Variants in SAMD9L observed in about 807,000 individuals in gnomAD.
The protein encoded by SAMD9L is sterile alpha motif domain-containing protein 9-like.
In SAMD9L, 68 loss-of-function variants were observed where a neutral mutation model predicts 90.7. The ratio of observed to expected loss-of-function variants is 0.75; its 90% CI spans 0.62 to 0.92. The LOEUF (loss-of-function observed/expected upper bound fraction) is 0.92. SAMD9L is among the 40% of genes least tolerant of loss of function. The pLI is 0.00. For synonymous variants in SAMD9L, 640 were observed against 630.1 expected (o/e 1.02, Z -0.23); for missense variants, 1,604 against 1,824.3 (o/e 0.88, Z 2.20).
rs925330078 is a variant in SAMD9L, at chr7:93,130,250, C to T, written c.*967G>A. The stretch of plus-strand genomic sequence containing the variant: ...ACTGAAAACTTGAGAACACATATTA[C>T]CATGAGGAAGCCCTCTAATCAGGCA... On this transcript the variant is annotated 3_prime_UTR_variant, in exon 5 of 5. Coordinates refer to ENST00000318238, the MANE Select transcript of SAMD9L (RefSeq NM_152703.5). The T allele has an allele frequency of 6.6e-6, 1 of 152,068 alleles. No homozygotes were observed. Among genetic ancestry groups the T allele is most frequent in the Admixed American group, 6.6e-5 (1 of 15,256 alleles). The allele number at this position is 152,068 out of a possible 1,614,324, so 9.4% of individuals were successfully genotyped here. A position where few individuals can be genotyped will look rare whatever the true frequency, so the allele number is the denominator to read the frequency against.
rs151304501 is a variant in SAMD9L, at chr7:93,134,407, G to A, written c.1565C>T (p.Ala522Val). 0.018 allele frequency: 29,751 copies of A among 1,613,374 alleles called. 324 individuals are homozygous for A. The highest frequency in any genetic ancestry group is 0.023 in the Non-Finnish European group (26,671 of 1,179,650). ...TAAAATTAGTTTCCTGACTTCTGAA[G>A]CTCTTTCTCTCTGCCATAAATGTGG... The part of the protein sequence containing the change: ...LEPHLWQRER[A>V]SEVRKLILFL... The change falls in exon 5 of 5, where the codon GCT (alanine) becomes GTT (valine). Residue 522 changes from alanine (A) to valine (V), a missense_variant. By Grantham distance (64) the Ala-to-Val change is moderately conservative (BLOSUM62 0). This residue lies in a region of SAMD9L where 606 missense variants were observed against 717.6 expected (regional missense o/e 0.84). Coordinates refer to ENST00000318238, the MANE Select transcript of SAMD9L (RefSeq NM_152703.5).
rs1382613921 is a variant in SAMD9L at position 93,133,533 on chromosome 7, A to G, written c.2439T>C (p.Phe813=). The G allele has an allele frequency of 2.5e-6, 4 of 1,613,538 alleles. No homozygotes were observed. The African/African-American group carries it at 4.0e-5, about 16-fold the overall frequency. Residue 813 remains phenylalanine, a synonymous_variant, in exon 5 of 5, where the codon TTT becomes TTC. Coordinates refer to ENST00000318238, the MANE Select transcript of SAMD9L (RefSeq NM_152703.5). ...AAACGGAATGGATGGCATTTTGTAGAAAGTAGACATTTTCTTGTTCTTCAA... is the reference window on the plus strand; with the variant it reads ...AAACGGAATGGATGGCATTTTGTAGGAAGTAGACATTTTCTTGTTCTTCAA... ...DDFEEQENVY[F]LQNAIHSVLA... is the part of the protein sequence containing the mutation.
At position 93,144,790 on chromosome 7, in the gene SAMD9L, G is replaced by A. The variant is rs1404231983; in HGVS notation, c.-79C>T. On this transcript the variant is annotated 5_prime_UTR_variant, in exon 4 of 5. Coordinates refer to ENST00000318238, the MANE Select transcript of SAMD9L (RefSeq NM_152703.5). ...CCGGGAAAGGATGCTCAGAATCCCAGCTGCAGCCCAGCAGGCCCACCCCTG... is the reference window on the plus strand; with the variant it reads ...CCGGGAAAGGATGCTCAGAATCCCAACTGCAGCCCAGCAGGCCCACCCCTG... 2 of 152,346 alleles carry A rather than the reference G, an allele frequency of 1.3e-5. No homozygotes were observed. The highest frequency in any genetic ancestry group is 4.8e-5 in the African/African-American group (2 of 41,556). 9.4% of individuals were successfully genotyped at this position (152,346 alleles called of 1,614,324 possible). A position where few individuals can be genotyped will look rare whatever the true frequency, so the allele number is the denominator to read the frequency against.
In SAMD9L at chr7:93,131,189, G is replaced by T; in HGVS notation, c.*28C>A. 8.3e-7 allele frequency: 1 copy of T among 1,209,956 alleles called. No homozygotes were observed. The highest frequency in any genetic ancestry group is 1.2e-6 in the Non-Finnish European group (1 of 868,982). The allele number at this position is 1,209,956 out of a possible 1,614,324, so 75.0% of individuals were successfully genotyped here. The stretch of plus-strand genomic sequence containing the variant: ...TAAAATCATAAAGATATAAATAAAC[G>T]TATTTGAACTACAGGTGATGTATTG... On this transcript the variant is annotated 3_prime_UTR_variant, in exon 5 of 5. Transcript: ENST00000318238.
Position 93,131,530 on chromosome 7 carries a change from C to T in SAMD9L, c.4442G>A (p.Arg1481Lys). The T allele has an allele frequency of 3.1e-6, 5 of 1,613,982 alleles. No homozygotes were observed. Among genetic ancestry groups the T allele is most frequent in the Non-Finnish European group, 4.2e-6 (5 of 1,179,888 alleles). ...QASTLFYLGKRKGLNSIVHKA... is the reference protein window; with the variant it reads ...QASTLFYLGKKKGLNSIVHKA... ...GTGAACAATACTGTTTAGACCCTTC[C>T]TTTTGCCCAGATAGAAAAGTGTGCT... is the stretch of plus-strand genomic sequence containing the variant. The change falls in exon 5 of 5, where the codon AGG becomes AAG. Residue 1481 changes from arginine to lysine, a missense_variant. Coordinates refer to ENST00000318238, the MANE Select transcript of SAMD9L (RefSeq NM_152703.5).
chr7:93,142,625 T>C (rs1284710205), intron 4 of SAMD9L, among the ~76,000 whole-genome samples: 1 of 152,242 alleles, frequency 6.6e-6, no homozygotes, highest in Non-Finnish European at 1.5e-5. Context: ...TGTCTCACAG[T>C]CCCTGAGTGA....
chr7:93,136,112 G>T, intron 4 of SAMD9L, 121 bp from the exon 5 acceptor site: 1 of 663,884 alleles, frequency 1.5e-6, no homozygotes, highest in Non-Finnish European at 2.3e-6. Context: ...ATTGCTAAAG[G>T]CTGACTCTTA....
chr7:93,143,603 C>G (rs1792780739), intron 4 of SAMD9L, among the ~76,000 whole-genome samples: 1 of 152,200 alleles, frequency 6.6e-6, no homozygotes, highest in Non-Finnish European at 1.5e-5. Context: ...TACCGACCTG[C>G]TTCTTCACTT....
Position 93,148,247 on chromosome 7 carries a change from T to G in SAMD9L, c.-1096A>C, listed in dbSNP as rs1792970308. The stretch of plus-strand genomic sequence containing the variant: ...TATATCAGAAACTTGAAACAGGCCA[T>G]TTGAACTTTTGCTGTCTCATTCCTC... On this transcript the variant is annotated 5_prime_UTR_variant, in exon 1 of 5. It removes an upstream start codon present in the reference 5' UTR. Coordinates refer to ENST00000318238, the MANE Select transcript of SAMD9L (RefSeq NM_152703.5). 6.6e-6 allele frequency: 1 copy of G among 152,200 alleles called. No individual in the cohort carries two copies. The highest frequency in any genetic ancestry group is 1.5e-5 in the Non-Finnish European group (1 of 68,030). The allele number at this position is 152,200 out of a possible 1,614,324, so 9.4% of individuals were successfully genotyped here. A position where few individuals can be genotyped will look rare whatever the true frequency, so the allele number is the denominator to read the frequency against.
chr7:93,136,631 GA>G (rs954320252), intron 4 of SAMD9L, among the ~76,000 whole-genome samples: 3 of 152,156 alleles, frequency 2.0e-5, no homozygotes, highest in African/African-American at 7.2e-5. Context: ...ACTAGATAGG[GA>G]AAATAGTATG....
In SAMD9L at chr7:93,132,182, G is replaced by T; in HGVS notation, c.3790C>A (p.Leu1264Met). The T allele has an allele frequency of 1.2e-6, 2 of 1,613,648 alleles. No individual in the cohort carries two copies. The highest frequency in any genetic ancestry group is 1.7e-6 in the Non-Finnish European group (2 of 1,179,824). Residue 1264 changes from leucine (L) to methionine (M), a missense_variant, in exon 5 of 5, where the codon CTG (leucine) becomes ATG (methionine). Physicochemically the swap from Leu to Met is conservative, Grantham distance 15. Coordinates refer to ENST00000318238, the MANE Select transcript of SAMD9L (RefSeq NM_152703.5). ...ATAAAAAAGTCAAAGCACCTTTTCAGATCTGATTGTAAATTTTTTAGGTGG... is the reference window on the plus strand; with the variant it reads ...ATAAAAAAGTCAAAGCACCTTTTCATATCTGATTGTAAATTTTTTAGGTGG... ...TSHLKNLQSD[L>M]KRCFDFFIDY...
intron 4 of SAMD9L, among the ~76,000 whole-genome samples, chr7:93,141,283 A>G (rs1008429631): frequency 2.0e-5 from 3 of 152,032 alleles, no homozygotes; most frequent in African/African-American, 7.3e-5. Context: ...CCTCTTTTCT[A>G]TCTAGAGTTT....
chr7:93,131,424 A>AT lies in SAMD9L; in HGVS notation c.4547dup (p.Asn1516LysfsTer2), dbSNP rs776688287. 5 of 1,613,226 alleles carry AT rather than the reference A, an allele frequency of 3.1e-6. No homozygotes were observed. Among genetic ancestry groups the AT allele is most frequent in the South Asian group, 1.1e-5 (1 of 91,054 alleles). ...GACGACGCAGGAGGTCTTTGACTTCATTTTTTTTCCACACATCCCCACTGT... is the reference window on the plus strand; with the variant it reads ...GACGACGCAGGAGGTCTTTGACTTCATTTTTTTTTCCACACATCCCCACTGT... On this transcript the variant is annotated frameshift_variant, in exon 5 of 5. Coordinates refer to ENST00000318238, the MANE Select transcript of SAMD9L (RefSeq NM_152703.5). LOFTEE classifies it high-confidence loss of function.
intron 4 of SAMD9L, among the ~76,000 whole-genome samples, chr7:93,136,239 T>C (rs1240502287): frequency 1.3e-5 from 2 of 152,224 alleles, no homozygotes; most frequent in Non-Finnish European, 2.9e-5. Context: ...GACACACCTT[T>C]TAGCCTTATA....
In SAMD9L at chr7:93,135,736, GA is replaced by G. The variant is rs1457266040; in HGVS notation, c.235del (p.Ser79ProfsTer12). Reference sequence around the variant, plus strand: ...CGGATCATGATTGTCACTTTCAGGGGACTTACTATTCAATTTGTTGTATGAA... The same window carrying G: ...CGGATCATGATTGTCACTTTCAGGGGCTTACTATTCAATTTGTTGTATGAA... ...KRSYNKLNSK[S>X]PESDNHDPGQ... On this transcript the variant is annotated frameshift_variant, in exon 5 of 5. Coordinates refer to ENST00000318238, the MANE Select transcript of SAMD9L (RefSeq NM_152703.5). LOFTEE classifies it low-confidence loss of function (END_TRUNC). 6.2e-7 allele frequency: 1 copy of G among 1,613,996 alleles called. No individual in the cohort carries two copies. Among genetic ancestry groups the G allele is most frequent in the Admixed American group, 1.7e-5 (1 of 59,988 alleles).
At chr7:93,137,116 A>G (rs1792487234) in intron 4 of SAMD9L, among the ~76,000 whole-genome samples, 1 of 152,252 alleles carries the variant, frequency 6.6e-6, no homozygotes, top group Non-Finnish European at 1.5e-5. Flanking sequence ...AAATGAAACA[A>G]AAACACTAAA....
At chr7:93,138,306 A>G (rs139419161) in intron 4 of SAMD9L, among the ~76,000 whole-genome samples, 80 of 152,322 alleles carry the variant, frequency 5.3e-4, no homozygotes, top group African/African-American at 1.9e-3. Flanking sequence ...CATTCTACAC[A>G]TATTTAATGA....
Position 93,131,108 on chromosome 7 carries a change from G to T in SAMD9L, c.*109C>A. On this transcript the variant is annotated 3_prime_UTR_variant, in exon 5 of 5. Transcript: ENST00000318238. ...ATTCAGGGAGGCAAAAGCAAAATCT[G>T]TAATTAGAGGTTAGCCATAATGTTA... 2 of 683,810 alleles carry T rather than the reference G, an allele frequency of 2.9e-6. No individual in the cohort carries two copies. Among genetic ancestry groups the T allele is most frequent in the Non-Finnish European group, 4.4e-6 (2 of 453,254 alleles). 42.4% of individuals were successfully genotyped at this position (683,810 alleles called of 1,614,324 possible).
Position 93,133,838 on chromosome 7 carries a change from T to A in SAMD9L, c.2134A>T (p.Arg712Trp). 1 of 1,613,402 alleles carries A rather than the reference T, an allele frequency of 6.2e-7. No homozygotes were observed. Among genetic ancestry groups the A allele is most frequent in the African/African-American group, 1.3e-5 (1 of 74,960 alleles). The change falls in exon 5 of 5, where the codon AGG (arginine) becomes TGG (tryptophan). Residue 712 changes from arginine to tryptophan, a missense_variant. Transcript: ENST00000318238. ...SENYSSDFVK[R>W]DSYEKLKDLI... ...TCTTTAAGCTTTTCATAACTGTCCCTTTTAACAAAATCTGAAGAATAGTTT... is the reference window on the plus strand; with the variant it reads ...TCTTTAAGCTTTTCATAACTGTCCCATTTAACAAAATCTGAAGAATAGTTT...
Sources: gnomAD v4.1 joint callset for allele counts (sites outside exome capture counted in the v4.1 genomes callset) on GRCh38, gnomAD v4.1.1 for gene constraint, gnomAD v4.1.1 regional missense constraint, MANE v1.5 for transcripts, NCBI Gene and HGNC (gene_info 2026-07-23, HGNC 2026-07-21) for gene names.